Variants in LYRM4 observed in about 807,000 individuals in gnomAD.
LYRM4 encodes LYR motif containing 4, also known as LYR motif-containing protein 4.
In LYRM4, 9 loss-of-function variants were observed where a neutral mutation model predicts 11.7. That is an observed-to-expected ratio of 0.77 (90% confidence interval 0.46 to 1.34). LYRM4 has a LOEUF of 1.34. Among genes scored for constraint, LYRM4 ranks in the 40% most tolerant of loss-of-function variants. The pLI, the probability that LYRM4 is intolerant of heterozygous loss-of-function variation, is 0.00. For synonymous variants in LYRM4, 42 were observed against 40.4 expected, an observed-to-expected ratio of 1.04 and a Z score of -0.15; for missense variants, 133 against 112.5, an observed-to-expected ratio of 1.18 and a Z score of -0.82.
At chr6:5,085,917 C>T in the LYRM4 span, 1 of 1,529,974 alleles carries the variant, frequency 6.5e-7, no homozygotes. Context: ...GCCTGGCCAG[C>T]GTGAAGCACT....
chr6:5,096,951 T>C, the LYRM4 span, among the ~76,000 whole-genome samples: 1 of 125,886 alleles, frequency 7.9e-6, no homozygotes, highest in Non-Finnish European at 1.8e-5. Flanking sequence ...CCAGACAAAC[T>C]GTTTTTGTTA....
chr6:5,057,599 C>T, the LYRM4 span, among the ~76,000 whole-genome samples: 2 of 152,010 alleles, frequency 1.3e-5, no homozygotes, highest in East Asian at 3.9e-4. Flanking sequence ...CCTGTAATCC[C>T]AGCTACTCGG....
At chr6:5,209,882 T>C (rs180798954) in intron 2 of LYRM4, among the ~76,000 whole-genome samples, 129 of 152,366 alleles carry the variant, frequency 8.5e-4, no homozygotes, top group African/African-American at 2.7e-3. Context: ...TTTAAATCTC[T>C]CTTTGCCTAT....
intron 2 of LYRM4, among the ~76,000 whole-genome samples, chr6:5,156,144 C>G: frequency 6.6e-6 from 1 of 152,290 alleles, no homozygotes; most frequent in East Asian, 1.9e-4. Flanking sequence ...GATGATGAAA[C>G]GAAGTTAGCT....
At chr6:5,056,359 TC>T in the LYRM4 span, among the ~76,000 whole-genome samples, 1 of 152,220 alleles carries the variant, frequency 6.6e-6, no homozygotes, top group Non-Finnish European at 1.5e-5. Context: ...TAGACATTCT[TC>T]TTTGATATGA....
chr6:5,109,752 G>A (rs1019617510), intron 2 of LYRM4, among the ~76,000 whole-genome samples: 1 of 152,222 alleles, frequency 6.6e-6, no homozygotes, highest in African/African-American at 2.4e-5. Flanking sequence ...TGGGACTCGG[G>A]GCTGTGCTGA....
At chr6:5,132,919 A>G (rs1213588211) in intron 2 of LYRM4, 1 of 152,258 alleles carries the variant, frequency 6.6e-6, no homozygotes, top group African/African-American at 2.4e-5. Flanking sequence ...GAGTCTTGCA[A>G]GGAAATGACA....
chr6:5,117,601 T>C (rs1763181356), intron 2 of LYRM4, among the ~76,000 whole-genome samples: 1 of 152,178 alleles, frequency 6.6e-6, no homozygotes, highest in African/African-American at 2.4e-5. Context: ...AAAGGGGCTT[T>C]TGTAGCCAGA....
chr6:5,102,087 C>T (rs112060349), downstream of LYRM4, among the ~76,000 whole-genome samples: 30 of 149,866 alleles, frequency 2.0e-4, no homozygotes, highest in African/African-American at 6.6e-4. Context: ...GCCATTGCAC[C>T]TGGCCTGATT....
chr6:5,209,139 G>A (rs1581510415), intron 2 of LYRM4, among the ~76,000 whole-genome samples: 1 of 152,102 alleles, frequency 6.6e-6, no homozygotes, highest in African/African-American at 2.4e-5. Flanking sequence ...TGTCGCCCAG[G>A]CTGGAGTGCA....
In LYRM4 at chr6:5,193,998, G is replaced by C. The variant is rs73719739; in HGVS notation, c.207+22620C>G. ...TTAAAAAGGCACGTTATGTAGGCCA[G>C]GTCTGATTTCAAAGGTTTAGATCTT... On this transcript the variant is annotated intron_variant, in intron 2 of 2. Coordinates refer to ENST00000330636, the MANE Select transcript of LYRM4 (RefSeq NM_020408.6). Among the ~76,000 whole-genome samples, 508 of 149,552 alleles carry C rather than the reference G, an allele frequency of 3.4e-3. 6 individuals are homozygous for C. The highest frequency in any genetic ancestry group is 0.012 in the African/African-American group (482 of 40,744).
intron 2 of LYRM4, among the ~76,000 whole-genome samples, chr6:5,141,957 C>A (rs571899062): frequency 2.6e-5 from 4 of 152,086 alleles, no homozygotes; most frequent in Non-Finnish European, 5.9e-5. Flanking sequence ...ACCTATTTAC[C>A]CAGCACAAAC....
intron 2 of LYRM4, among the ~76,000 whole-genome samples, chr6:5,112,619 C>T (rs441463): frequency 0.61 from 93,197 of 152,148 alleles, 29,330 homozygotes; most frequent in East Asian, 0.92. Flanking sequence ...CAGATGTGAT[C>T]AATGGCTGCA....
At chr6:5,255,691 C>T (rs369831911) in intron 1 of LYRM4, among the ~76,000 whole-genome samples, 1 of 152,118 alleles carries the variant, frequency 6.6e-6, no homozygotes, top group Non-Finnish European at 1.5e-5. Flanking sequence ...TCCGTAGCCA[C>T]GAATTTTCTC....
At chr6:5,206,542 T>C (rs4959334) in intron 2 of LYRM4, among the ~76,000 whole-genome samples, 148,615 of 152,316 alleles carry the variant, frequency 0.98, 72,593 homozygotes, top group Non-Finnish European at 1. Context: ...TAAGGGATCT[T>C]GGAAACCAAT....
chr6:5,102,788 C>T (rs554940739), downstream of LYRM4: 2 of 152,316 alleles, frequency 1.3e-5, no homozygotes, highest in East Asian at 3.9e-4. Flanking sequence ...ACTCAGGCTC[C>T]AAGTGCAGTT....
At chr6:5,134,207 G>A (rs1449210691) in intron 2 of LYRM4, among the ~76,000 whole-genome samples, 7 of 152,212 alleles carry the variant, frequency 4.6e-5, no homozygotes, top group Non-Finnish European at 1.0e-4. Context: ...AGCTTCCCAG[G>A]TGAGTGTAAT....
chr6:5,221,920 C>A (rs1310746349), intron 1 of LYRM4, among the ~76,000 whole-genome samples: 1 of 152,190 alleles, frequency 6.6e-6, no homozygotes, highest in Non-Finnish European at 1.5e-5. Context: ...ACTCCTCAGC[C>A]CCAATCTTGG....
At chr6:5,101,716 G>A (rs774367844), downstream of LYRM4, among the ~76,000 whole-genome samples, 10 of 152,056 alleles carry the variant, frequency 6.6e-5, no homozygotes, top group South Asian at 2.1e-4. Context: ...AGAGTCCCTC[G>A]TACATGAAGA....
Sources: gnomAD v4.1 joint callset for allele counts (sites outside exome capture counted in the v4.1 genomes callset) on GRCh38, gnomAD v4.1.1 for gene constraint, MANE v1.5 for transcripts, NCBI Gene and HGNC (gene_info 2026-07-23, HGNC 2026-07-21) for gene names.